GRM8: variants seen among roughly 807,000 people sequenced by gnomAD.
GRM8 encodes the protein metabotropic glutamate receptor 8.
A neutral mutation model predicts 87.2 loss-of-function variants in GRM8; 47 were observed. The observed-to-expected ratio is 0.54, with a 90% CI of 0.43 to 0.69. The LOEUF is 0.69. GRM8 is among the 30% of genes least tolerant of loss of function. GRM8 has a pLI of 0.00. For synonymous variants in GRM8, 396 were observed against 404.5 expected, an observed-to-expected ratio of 0.98 and a Z score of 0.25; for missense variants, 1,019 against 1,139.2, an observed-to-expected ratio of 0.89 and a Z score of 1.52.
chr7:127,113,801 T>C (rs1453643632), intron 2 of GRM8, among the ~76,000 whole-genome samples: 2 of 152,188 alleles, frequency 1.3e-5, no homozygotes, highest in Non-Finnish European at 2.9e-5. Flanking sequence ...ATTAACTTTG[T>C]CTTTTTATAT....
chr7:126,529,756 C>T lies in GRM8; in HGVS notation c.2430+3196G>A, dbSNP rs150122039. Among the ~76,000 whole-genome samples the T allele has an allele frequency of 1.2e-3, 188 of 152,202 alleles. 2 individuals are homozygous for T. The highest frequency in any genetic ancestry group is 4.3e-3 in the African/African-American group (179 of 41,538). On this transcript the variant is annotated intron_variant, in intron 9 of 10. Transcript: ENST00000339582. ...TATGTGTTTTAGAGATTTCTGCCAT[C>T]CTTACAGCCCCTTACCATCCCTAAG...
intron 9 of GRM8, among the ~76,000 whole-genome samples, chr7:126,454,924 C>A (rs557596104): frequency 6.6e-6 from 1 of 151,670 alleles, no homozygotes; most frequent in Non-Finnish European, 1.5e-5. Context: ...GTGTGTGATA[C>A]AGCCCTGGAA....
intron 3 of GRM8, among the ~76,000 whole-genome samples, chr7:127,051,747 A>G (rs1472841993): frequency 6.7e-6 from 1 of 148,618 alleles, no homozygotes; most frequent in African/African-American, 2.5e-5. Flanking sequence ...AGCAAAAAAA[A>G]AAAAAAAAAA....
intron 3 of GRM8, among the ~76,000 whole-genome samples, chr7:127,049,766 C>T (rs1318263332): frequency 1.3e-5 from 2 of 152,094 alleles, no homozygotes; most frequent in Non-Finnish European, 2.9e-5. Flanking sequence ...AAGACAGCCC[C>T]ATGGAAGTGA....
At chr7:126,834,758 T>C (rs1795687514) in intron 6 of GRM8, among the ~76,000 whole-genome samples, 2 of 152,178 alleles carry the variant, frequency 1.3e-5, no homozygotes, top group South Asian at 4.1e-4. Flanking sequence ...ATAATGATTA[T>C]TTTAAAAACG....
At chr7:127,084,439 G>C (rs1175399332) in intron 3 of GRM8, 1 of 152,080 alleles carries the variant, frequency 6.6e-6, no homozygotes, top group East Asian at 1.9e-4. Context: ...GTAGACGAAG[G>C]GGCATTAGAT....
chr7:126,724,546 C>T (rs1397493345), intron 7 of GRM8, among the ~76,000 whole-genome samples: 3 of 152,116 alleles, frequency 2.0e-5, no homozygotes, highest in African/African-American at 7.2e-5. Context: ...TTTTTCATGT[C>T]AATCCACTGA....
At chr7:126,503,205 T>TTAAAA (rs1406663690) in intron 9 of GRM8, among the ~76,000 whole-genome samples, 22 of 151,968 alleles carry the variant, frequency 1.4e-4, no homozygotes, top group Non-Finnish European at 2.4e-4. Flanking sequence ...GCTCACATGA[T>TTAAAA]TAAAATAAAA....
Position 126,460,996 on chromosome 7 carries a change from AATATCCCTCTTTTTGATGAGC to A in GRM8, c.2431-14645_2431-14625del, listed in dbSNP as rs537075340. On this transcript the variant is annotated intron_variant, in intron 9 of 10. Coordinates refer to ENST00000339582, the MANE Select transcript of GRM8 (RefSeq NM_000845.3). ...GACAGTGAACTCAGACATCATCTGA[AATATCCCTCTTTTTGATGAGC>A]ATAGTGCCTTATGCTACTAGTTTCA... is the stretch of plus-strand genomic sequence containing the variant. Among the ~76,000 whole-genome samples, 57 of 151,624 alleles carry A rather than the reference AATATCCCTCTTTTTGATGAGC, an allele frequency of 3.8e-4. 4 individuals are homozygous for A. The South Asian group carries it at 0.011, about 29-fold the overall frequency.
rs1399080146 is a variant in GRM8, at chr7:126,878,882, G to T, written c.1156+23660C>A. On this transcript the variant is annotated intron_variant, in intron 6 of 10. Transcript: ENST00000339582. ...TTTATTGTTTAAAAAACATGATGAG[G>T]CCGGGCACGGTGGCTCACGCCTGTA... is the stretch of plus-strand genomic sequence containing the variant. 2.6e-5 allele frequency among the ~76,000 whole-genome samples: 4 copies of T among 151,758 alleles called. 1 individual carries two copies. The highest frequency in any genetic ancestry group is 4.2e-4 in the South Asian group (2 of 4,764).
At chr7:127,063,175 C>T (rs1244119246) in intron 3 of GRM8, among the ~76,000 whole-genome samples, 2 of 151,964 alleles carry the variant, frequency 1.3e-5, no homozygotes, top group Non-Finnish European at 2.9e-5. Flanking sequence ...ATGGCGTGAA[C>T]CCAGGAGGCA....
chr7:127,149,016 C>G (rs957910643), intron 2 of GRM8, among the ~76,000 whole-genome samples: 1 of 151,930 alleles, frequency 6.6e-6, no homozygotes, highest in Non-Finnish European at 1.5e-5. Flanking sequence ...TGGACATTGG[C>G]CTTGATGACT....
At chr7:126,765,475 T>C (rs1253507781) in intron 7 of GRM8, among the ~76,000 whole-genome samples, 1 of 152,082 alleles carries the variant, frequency 6.6e-6, no homozygotes, top group Non-Finnish European at 1.5e-5. Flanking sequence ...TGCCCTGATA[T>C]GAGCTCAGCT....
At chr7:126,838,722 C>T (rs1796015527) in intron 6 of GRM8, among the ~76,000 whole-genome samples, 1 of 152,150 alleles carries the variant, frequency 6.6e-6, no homozygotes, top group Non-Finnish European at 1.5e-5. Context: ...AAATTAAAGA[C>T]TCATACATTG....
intron 6 of GRM8, among the ~76,000 whole-genome samples, chr7:126,877,835 C>A (rs1243767081): frequency 2.0e-5 from 3 of 152,168 alleles, no homozygotes; most frequent in Non-Finnish European, 4.4e-5. Flanking sequence ...GAGATATAAT[C>A]TTTGAAGAGT....
rs1009612549 is a variant in GRM8, at chr7:126,833,425, A to C, written c.1157-63360T>G. ...GGATACTAGTTATCTTAGTTTGTTC[A>C]GTCTGCTATACCAAAATGCCATAGA... On this transcript the variant is annotated intron_variant, in intron 6 of 10. Transcript: ENST00000339582. 3.9e-5 allele frequency among the ~76,000 whole-genome samples: 6 copies of C among 152,340 alleles called. No homozygotes were observed. The East Asian group carries it at 1.2e-3, about 29-fold the overall frequency.
chr7:126,900,489 G>C (rs1801961997), intron 6 of GRM8, among the ~76,000 whole-genome samples: 1 of 57,678 alleles, frequency 1.7e-5, no homozygotes, highest in African/African-American at 1.0e-4. Flanking sequence ...TCCCTAGCTA[G>C]CTTTTTTGTT....
intron 2 of GRM8, among the ~76,000 whole-genome samples, chr7:127,108,936 T>C (rs1245299115): frequency 6.6e-6 from 1 of 152,216 alleles, no homozygotes; most frequent in Non-Finnish European, 1.5e-5. Flanking sequence ...GGTATATGAA[T>C]AGTATTTCAA....
intron 3 of GRM8, among the ~76,000 whole-genome samples, chr7:127,071,739 A>G (rs1821713361): frequency 6.6e-6 from 1 of 152,184 alleles, no homozygotes; most frequent in Non-Finnish European, 1.5e-5. Context: ...AATAGATTAA[A>G]AATATGGTGA....
Sources: gnomAD v4.1 joint callset for allele counts (sites outside exome capture counted in the v4.1 genomes callset) on GRCh38, gnomAD v4.1.1 for gene constraint, MANE v1.5 for transcripts, NCBI Gene and HGNC (gene_info 2026-07-23, HGNC 2026-07-21) for gene names.